Variants in CFAP100 observed in about 807,000 individuals in gnomAD.
CFAP100 encodes the protein cilia and flagella associated protein 100.
A neutral mutation model predicts 81.5 loss-of-function variants in CFAP100; 70 were observed. The observed-to-expected ratio is 0.86, with a 90% CI of 0.71 to 1.05. The LOEUF (loss-of-function observed/expected upper bound fraction) is 1.05, where lower values mean the gene tolerates loss of function less well. Among genes scored for constraint, CFAP100 ranks in the 50% least tolerant of loss-of-function variants. The pLI is 0.00. For missense variants in CFAP100, 811 were observed against 776.5 expected (o/e 1.04, Z -0.53); for synonymous variants, 341 against 314.8 (o/e 1.08, Z -0.88).
chr3:126,412,305 C>T (rs991899430), intron 3 of CFAP100, among the ~76,000 whole-genome samples: 1 of 152,150 alleles, frequency 6.6e-6, no homozygotes, highest in Admixed American at 6.5e-5. Context: ...ACTGGGCCCA[C>T]CTGGACATGC....
At chr3:126,409,464 T>C (rs1382424585) in intron 3 of CFAP100, among the ~76,000 whole-genome samples, 1 of 152,234 alleles carries the variant, frequency 6.6e-6, no homozygotes. Flanking sequence ...TTGCGTCTCC[T>C]GGGTACACAC....
At chr3:126,411,590 T>C (rs1411156289) in intron 3 of CFAP100, among the ~76,000 whole-genome samples, 2 of 152,096 alleles carry the variant, frequency 1.3e-5, no homozygotes, top group East Asian at 3.9e-4. Flanking sequence ...TCAATCTCGC[T>C]ACTTGTTATT....
Position 126,416,320 on chromosome 3 carries a change from G to A in CFAP100, c.230G>A (p.Arg77Gln). 5 of 1,582,778 alleles carry A rather than the reference G, an allele frequency of 3.2e-6. No homozygotes were observed. The highest frequency in any genetic ancestry group is 2.3e-5 in the South Asian group (2 of 88,622). ...DQERNKALSE[R>Q]QQQKTMRVHQ... The stretch of plus-strand genomic sequence containing the variant: ...GACTTGGCCCGACGCCCCCAGGAAC[G>A]GCAGCAGCAGAAGACGATGCGGGTG... Residue 77 changes from arginine (R) to glutamine (Q), a missense_variant, in exon 5 of 17, where the codon CGG (arginine) becomes CAG (glutamine). Arg to Gln is a conservative substitution (Grantham distance 43, BLOSUM62 1). Coordinates refer to ENST00000352312, the MANE Select transcript of CFAP100 (RefSeq NM_182628.3).
intron 2 of CFAP100, among the ~76,000 whole-genome samples, chr3:126,399,505 T>C (rs534155472): frequency 6.6e-6 from 1 of 152,158 alleles, no homozygotes; most frequent in Non-Finnish European, 1.5e-5. Flanking sequence ...TCTCAAAGAA[T>C]CCACAAGGAA....
chr3:126,402,935 T>C (rs1464655589), intron 2 of CFAP100, among the ~76,000 whole-genome samples: 1 of 151,910 alleles, frequency 6.6e-6, no homozygotes, highest in Non-Finnish European at 1.5e-5. Flanking sequence ...CCAGTGCTCC[T>C]CAGGAGACAG....
rs748209587 is a variant in CFAP100 at position 126,419,152 on chromosome 3, A to G, written c.727A>G (p.Lys243Glu). 2 of 1,564,664 alleles carry G rather than the reference A, an allele frequency of 1.3e-6. No homozygotes were observed. Among genetic ancestry groups the G allele is most frequent in the Non-Finnish European group, 1.7e-6 (2 of 1,153,120 alleles). ...CCTCACCACCCAGATTGTTAATATC[A>G]AAAGGTGAGGTCAGAGGGCATGCTG... is the stretch of plus-strand genomic sequence containing the variant. ...RDLTTQIVNI[K>E]SEISRFEDTL... is the part of the protein sequence containing the mutation. The change falls in exon 8 of 17, where the codon AAA (lysine) becomes GAA (glutamate). Residue 243 changes from lysine to glutamate, a missense_variant. By Grantham distance (56) the Lys-to-Glu change is moderately conservative (BLOSUM62 1). Coordinates refer to ENST00000352312, the MANE Select transcript of CFAP100 (RefSeq NM_182628.3).
intron 8 of CFAP100, among the ~76,000 whole-genome samples, chr3:126,419,411 G>A (rs528974155): frequency 2.6e-5 from 4 of 152,320 alleles, no homozygotes; most frequent in South Asian, 4.1e-4. Context: ...AGAGAGGTGC[G>A]GTCTCCAGGG....
At position 126,434,246 on chromosome 3, in the gene CFAP100, A is replaced by C; in HGVS notation, c.1493A>C (p.Glu498Ala). The C allele has an allele frequency of 1.2e-6, 2 of 1,613,976 alleles. No homozygotes were observed. Among genetic ancestry groups the C allele is most frequent in the Non-Finnish European group, 1.7e-6 (2 of 1,180,010 alleles). Residue 498 changes from glutamate to alanine, a missense_variant, in exon 15 of 17, where the codon GAG (glutamate) becomes GCG (alanine). Transcript: ENST00000352312. ...VYRHCTGTQQ[E>A]ANLGTVQMLT... is the part of the protein sequence containing the mutation. ...CGGCACTGCACCGGCACCCAGCAGG[A>C]GGCCAACCTGGGCACCGTGCAGATG...
At chr3:126,410,935 C>A (rs1257923564) in intron 3 of CFAP100, among the ~76,000 whole-genome samples, 3 of 152,184 alleles carry the variant, frequency 2.0e-5, no homozygotes, top group Non-Finnish European at 4.4e-5. Context: ...TAGGACTAAA[C>A]CAAAGCATTG....
chr3:126,428,529 T>C (rs1933052309), intron 13 of CFAP100, among the ~76,000 whole-genome samples: 1 of 152,186 alleles, frequency 6.6e-6, no homozygotes, highest in Non-Finnish European at 1.5e-5. Context: ...TGGGTGATAA[T>C]GTGTCCAGGA....
In CFAP100 at chr3:126,416,440, C is replaced by G. The variant is rs2107603156; in HGVS notation, c.350C>G (p.Ala117Gly). 1 of 1,610,716 alleles carries G rather than the reference C, an allele frequency of 6.2e-7. No individual in the cohort carries two copies. Residue 117 changes from alanine (A) to glycine (G), a missense_variant, in exon 5 of 17, where the codon GCG becomes GGG. Transcript: ENST00000352312. ...QLEDKQEDLE[A>G]RAEAEHQRAF... ...GAGGACAAGCAGGAGGACCTGGAGG[C>G]GCGCGCCGAGGCCGAGCATCAGCGC...
At chr3:126,418,938 G>A in intron 7 of CFAP100, 138 bp from the exon 8 acceptor site, 2 of 1,026,862 alleles carry the variant, frequency 1.9e-6, no homozygotes, top group Non-Finnish European at 2.8e-6. Context: ...CGGGCAAAAG[G>A]CTTAACTGTG....
At chr3:126,408,109 T>TGGAGCCAACGAGTTTCACA (rs1473993687) in intron 3 of CFAP100, among the ~76,000 whole-genome samples, 2 of 152,236 alleles carry the variant, frequency 1.3e-5, no homozygotes, top group Admixed American at 6.5e-5. Context: ...ATGTAGAGAT[T>TGGAGCCAACGAGTTTCACA]GGAGCCAACG....
intron 11 of CFAP100, among the ~76,000 whole-genome samples, chr3:126,422,921 C>T (rs1459925273): frequency 1.3e-5 from 2 of 151,950 alleles, no homozygotes; most frequent in Admixed American, 6.5e-5. Context: ...CCAGGCAGGG[C>T]AGAGGGGCTG....
intron 1 of CFAP100, chr3:126,395,329 A>C (rs775618219): frequency 6.6e-6 from 1 of 152,220 alleles, no homozygotes; most frequent in Non-Finnish European, 1.5e-5. Flanking sequence ...TTCCAGAGGC[A>C]GCCCCTCCTG....
chr3:126,418,351 A>T, intron 5 of CFAP100, 107 bp from the exon 6 acceptor site: 1 of 939,044 alleles, frequency 1.1e-6, no homozygotes, highest in Non-Finnish European at 1.7e-6. Flanking sequence ...CTGGGCGTGG[A>T]CGCAAAGCAG....
Position 126,419,990 on chromosome 3 carries a change from C to T in CFAP100, c.924C>T (p.Ile308=). The change falls in exon 10 of 17, where the codon ATC becomes ATT. Residue 308 remains isoleucine, a synonymous_variant. Coordinates refer to ENST00000352312, the MANE Select transcript of CFAP100 (RefSeq NM_182628.3). ...NSTPGDKGPG[I]KGKASSMWAK... ...CTTTGCTTCCTGCAGGACCAGGGATCAAGGGCAAGGCGAGCTCCATGTGGG... is the reference window on the plus strand; with the variant it reads ...CTTTGCTTCCTGCAGGACCAGGGATTAAGGGCAAGGCGAGCTCCATGTGGG... 6.2e-7 allele frequency: 1 copy of T among 1,613,146 alleles called. No individual in the cohort carries two copies. The highest frequency in any genetic ancestry group is 8.5e-7 in the Non-Finnish European group (1 of 1,179,962).
chr3:126,403,610 T>C (rs2107587611), intron 2 of CFAP100, among the ~76,000 whole-genome samples: 1 of 152,258 alleles, frequency 6.6e-6, no homozygotes, highest in South Asian at 2.1e-4. Flanking sequence ...GTTGGACTCC[T>C]GGCCTCAAGT....
chr3:126,419,048 C>CCA (rs2107606494), intron 7 of CFAP100, 28 bp from the exon 8 acceptor site: 10 of 456,586 alleles, frequency 2.2e-5, no homozygotes, highest in Non-Finnish European at 3.7e-5. Context: ...TTGCCCCCAT[C>CCA]CCTCCTCCCC....
Sources: gnomAD v4.1 joint callset for allele counts (sites outside exome capture counted in the v4.1 genomes callset) on GRCh38, gnomAD v4.1.1 for gene constraint, MANE v1.5 for transcripts, NCBI Gene and HGNC (gene_info 2026-07-23, HGNC 2026-07-21) for gene names.